Variants in GIGYF2 observed in about 807,000 individuals in gnomAD.
The protein encoded by GIGYF2 is GRB10 interacting GYF protein 2, also known as GRB10-interacting GYF protein 2.
In GIGYF2, 25 loss-of-function variants were observed where a neutral mutation model predicts 208.1. The ratio of observed to expected loss-of-function variants is 0.12; its 90% CI spans 0.09 to 0.17. The LOEUF (loss-of-function observed/expected upper bound fraction) is 0.17, where lower values mean the gene tolerates loss of function less well. GIGYF2 is among the 10% of genes least tolerant of loss of function. The pLI, the probability that GIGYF2 is intolerant of heterozygous loss-of-function variation, is 1.00. For missense variants in GIGYF2, 1,302 were observed against 1,579.4 expected (o/e 0.82, Z 2.98); for synonymous variants, 534 against 543.8 (o/e 0.98, Z 0.25).
At position 232,832,988 on chromosome 2, in the gene GIGYF2, G is replaced by T; in HGVS notation, c.2661G>T (p.Leu887=). The T allele has an allele frequency of 6.3e-7, 1 of 1,575,908 alleles. No individual in the cohort carries two copies. The highest frequency in any genetic ancestry group is 2.3e-5 in the East Asian group (1 of 42,956). Residue 887 remains leucine, a synonymous_variant, in exon 22 of 29, where the codon CTG becomes CTT. Transcript: ENST00000373563. The part of the protein sequence containing the change: ...HEEEERKRKE[L]EVQRQKELMR... ...AAGAAGAACGGAAGAGAAAGGAGCTGGAGGTCCAGCGGCAGAAGGAGTTAA... is the reference window on the plus strand; with the variant it reads ...AAGAAGAACGGAAGAGAAAGGAGCTTGAGGTCCAGCGGCAGAAGGAGTTAA...
intron 1 of GIGYF2, among the ~76,000 whole-genome samples, chr2:232,697,934 C>T (rs1460301764): frequency 1.3e-5 from 2 of 152,224 alleles, no homozygotes; most frequent in East Asian, 1.9e-4. Flanking sequence ...GAGGAGACTC[C>T]TTCCGTGGCG....
Position 232,857,221 on chromosome 2 carries a change from T to C in GIGYF2, c.*361T>C, listed in dbSNP as rs368032080. The C allele has an allele frequency of 1.4e-3, 442 of 326,708 alleles. 3 individuals carry two copies. Among genetic ancestry groups the C allele is most frequent in the African/African-American group, 8.9e-3 (419 of 46,852 alleles). The allele number at this position is 326,708 out of a possible 1,614,324, so 20.2% of individuals were successfully genotyped here. A position where few individuals can be genotyped will look rare whatever the true frequency, so the allele number is the denominator to read the frequency against. On this transcript the variant is annotated 3_prime_UTR_variant, in exon 29 of 29. Transcript: ENST00000373563. Reference sequence around the variant, plus strand: ...AGCAGCTTGCTTTCTCTTGTCACTTTTTTTCTTCTATTTTGTTTTTTCTTC... The same window carrying C: ...AGCAGCTTGCTTTCTCTTGTCACTTCTTTTCTTCTATTTTGTTTTTTCTTC...
At chr2:232,810,527 T>C (rs1466894011) in intron 16 of GIGYF2, 1 of 153,230 alleles carries the variant, frequency 6.5e-6, no homozygotes, top group African/African-American at 2.4e-5. Context: ...GAAATAAGAT[T>C]TGCTGTTCTT....
chr2:232,815,732 G>A lies in GIGYF2; in HGVS notation c.2203G>A (p.Ala735Thr). ...TCAGCAGCTAGAGAAGGCCAAAGCTGCAAAGGTCTGAAACTCATTCTTCTG... is the reference window on the plus strand; with the variant it reads ...TCAGCAGCTAGAGAAGGCCAAAGCTACAAAGGTCTGAAACTCATTCTTCTG... The part of the protein sequence containing the change: ...QLQQLEKAKA[A>T]KLEQERREAE... Residue 735 changes from alanine to threonine, a missense_variant, in exon 19 of 29, where the codon GCA becomes ACA. Ala to Thr is a moderately conservative substitution (Grantham distance 58). Coordinates refer to ENST00000373563, the MANE Select transcript of GIGYF2 (RefSeq NM_001103146.3). 1 of 1,543,444 alleles carries A rather than the reference G, an allele frequency of 6.5e-7. No individual in the cohort carries two copies. The highest frequency in any genetic ancestry group is 9.0e-7 in the Non-Finnish European group (1 of 1,115,616).
chr2:232,764,941 A>G (rs992525846), intron 8 of GIGYF2, among the ~76,000 whole-genome samples: 10 of 152,146 alleles, frequency 6.6e-5, no homozygotes. Flanking sequence ...TTTACATCCC[A>G]TTGGTATATC....
intron 2 of GIGYF2, among the ~76,000 whole-genome samples, chr2:232,724,132 C>A (rs1222858288): frequency 1.8e-4 from 28 of 151,474 alleles, no homozygotes. Flanking sequence ...CCTCTGCCTT[C>A]CGGGTTCAAG....
intron 8 of GIGYF2, among the ~76,000 whole-genome samples, chr2:232,775,813 T>C (rs972895409): frequency 1.3e-5 from 2 of 152,202 alleles, no homozygotes; most frequent in African/African-American, 4.8e-5. Flanking sequence ...ATGGCATTAC[T>C]ATGTATTTGT....
chr2:232,830,070 C>T (rs1701381234), intron 21 of GIGYF2, among the ~76,000 whole-genome samples: 1 of 152,128 alleles, frequency 6.6e-6, no homozygotes. Flanking sequence ...ACCTTGAACT[C>T]CAGGGGCTCA....
intron 3 of GIGYF2, among the ~76,000 whole-genome samples, chr2:232,739,371 C>CTG (rs1410935871): frequency 4.4e-5 from 6 of 136,196 alleles, no homozygotes; most frequent in Admixed American, 7.3e-5. Context: ...ACCCCCCCCC[C>CTG]CCCGCAAAAA....
chr2:232,728,007 C>G (rs756924006), intron 2 of GIGYF2, among the ~76,000 whole-genome samples: 2 of 152,160 alleles, frequency 1.3e-5, no homozygotes, highest in Non-Finnish European at 2.9e-5. Flanking sequence ...ATTTCTGTAT[C>G]CTGTGTTTTA....
Position 232,812,521 on chromosome 2 carries a change from C to G in GIGYF2, c.2107+30C>G, listed in dbSNP as rs1379242718. 6.1e-6 allele frequency: 5 copies of G among 820,340 alleles called. No homozygotes were observed. In the Admixed American group the frequency reaches 6.8e-5, roughly 11 times the overall value. The allele number at this position is 820,340 out of a possible 1,614,324, so 50.8% of individuals were successfully genotyped here. On this transcript the variant is annotated intron_variant, in intron 18 of 28. Coordinates refer to ENST00000373563, the MANE Select transcript of GIGYF2 (RefSeq NM_001103146.3). ...AAACTTAGATTAACCTTTAGTACCACTCTGAGGATTCAGAGTCTAATAATA... is the reference window on the plus strand; with the variant it reads ...AAACTTAGATTAACCTTTAGTACCAGTCTGAGGATTCAGAGTCTAATAATA...
intron 22 of GIGYF2, among the ~76,000 whole-genome samples, chr2:232,835,005 C>G (rs1294614255): frequency 6.6e-6 from 1 of 152,158 alleles, no homozygotes; most frequent in Non-Finnish European, 1.5e-5. Flanking sequence ...TCGTATTCTC[C>G]CAGCTTTGGG....
In GIGYF2 at chr2:232,806,933, A is replaced by C. The variant is rs1164730104; in HGVS notation, c.1806+276A>C. Among the ~76,000 whole-genome samples the C allele has an allele frequency of 1.3e-5, 2 of 152,168 alleles. No homozygotes were observed. Among genetic ancestry groups the C allele is most frequent in the Non-Finnish European group, 1.5e-5 (1 of 68,030 alleles). Reference sequence around the variant, plus strand: ...GCATTCCAGCAGATGTAGAATGAAGACCAACATCTTATCCTGGCCTACCTA... The same window carrying C: ...GCATTCCAGCAGATGTAGAATGAAGCCCAACATCTTATCCTGGCCTACCTA... On this transcript the variant is annotated intron_variant, in intron 15 of 28. Coordinates refer to ENST00000373563, the MANE Select transcript of GIGYF2 (RefSeq NM_001103146.3). The surrounding 1 kb of genome is among the most constrained non-coding windows in gnomAD (Gnocchi z 4.0).
intron 8 of GIGYF2, among the ~76,000 whole-genome samples, chr2:232,785,666 C>T (rs972864383): frequency 2.6e-5 from 4 of 152,146 alleles, no homozygotes; most frequent in Non-Finnish European, 5.9e-5. Flanking sequence ...AGGCTGTCCA[C>T]CACAATAAGA....
At chr2:232,841,871 T>C (rs188300189) in intron 23 of GIGYF2, among the ~76,000 whole-genome samples, 292 of 152,302 alleles carry the variant, frequency 1.9e-3, no homozygotes, top group African/African-American at 6.7e-3. Context: ...CAGGACTGAT[T>C]TTGATTTTCT....
intron 8 of GIGYF2, among the ~76,000 whole-genome samples, chr2:232,783,088 C>G (rs1302889867): frequency 6.6e-6 from 1 of 152,110 alleles, no homozygotes; most frequent in African/African-American, 2.4e-5. Flanking sequence ...TGAGCACGGC[C>G]TCTGGAGGCA....
At chr2:232,782,690 TA>T (rs1699758786) in intron 8 of GIGYF2, 1 of 152,148 alleles carries the variant, frequency 6.6e-6, no homozygotes, top group Non-Finnish European at 1.5e-5. Flanking sequence ...GCACATACAC[TA>T]AAATTGGAAC....
intron 20 of GIGYF2, among the ~76,000 whole-genome samples, chr2:232,817,912 A>C (rs1037018909): frequency 3.3e-5 from 5 of 152,146 alleles, no homozygotes; most frequent in African/African-American, 1.2e-4. Flanking sequence ...TCATATGGTC[A>C]TTCTCTTTTG....
intron 8 of GIGYF2, chr2:232,766,371 C>T (rs1698963539): frequency 5.8e-6 from 1 of 172,996 alleles, no homozygotes; most frequent in Non-Finnish European, 1.2e-5. Flanking sequence ...AGGTTTTACT[C>T]ATTCACTTAT....
Sources: gnomAD v4.1 joint callset for allele counts (sites outside exome capture counted in the v4.1 genomes callset) on GRCh38, gnomAD v4.1.1 for gene constraint, Gnocchi (gnomAD v3.1) non-coding constraint, MANE v1.5 for transcripts, NCBI Gene and HGNC (gene_info 2026-07-23, HGNC 2026-07-21) for gene names.